Variants in SLC2A12 observed in about 807,000 individuals in gnomAD.
The protein encoded by SLC2A12 is solute carrier family 2, facilitated glucose transporter member 12.
Under a neutral mutation model 41.8 loss-of-function variants are expected in SLC2A12, and 23 were observed. The ratio of observed to expected loss-of-function variants is 0.55; its 90% CI spans 0.40 to 0.78. SLC2A12 has a LOEUF of 0.78. Among genes scored for constraint, SLC2A12 ranks in the 30% least tolerant of loss-of-function variants. The probability of loss-of-function intolerance (pLI) is 0.00; values close to 1 mark genes in which losing one functional copy is unlikely to be tolerated. For synonymous variants in SLC2A12, 295 were observed against 285.9 expected (o/e 1.03, Z -0.32); for missense variants, 654 against 745.6 (o/e 0.88, Z 1.43).
Position 134,006,935 on chromosome 6 carries a change from C to T in SLC2A12, c.1445-1G>A, listed in dbSNP as rs1393757196. ...ATCTCGCTGAGCACCAGCCAGGGCA[C>T]TAGAAGAAAGGCAAGAGTGGGTGGC... On this transcript the variant is annotated splice_acceptor_variant, in intron 2 of 4. Coordinates refer to ENST00000275230, the MANE Select transcript of SLC2A12 (RefSeq NM_145176.3). LOFTEE classifies it high-confidence loss of function. The T allele has an allele frequency of 6.2e-7, 1 of 1,613,922 alleles. No homozygotes were observed. The highest frequency in any genetic ancestry group is 1.1e-5 in the South Asian group (1 of 91,040).
At chr6:133,991,894 G>C (rs751212643) in intron 4 of SLC2A12, among the ~76,000 whole-genome samples, 1 of 152,204 alleles carries the variant, frequency 6.6e-6, no homozygotes, top group Non-Finnish European at 1.5e-5. Flanking sequence ...AGCTTACTTA[G>C]ATTTTAGAGG....
At chr6:133,992,173 A>G (rs1160565062) in intron 4 of SLC2A12, among the ~76,000 whole-genome samples, 1 of 152,160 alleles carries the variant, frequency 6.6e-6, no homozygotes. Flanking sequence ...GAAATACTGC[A>G]GCTTTGTGCG....
intron 1 of SLC2A12, among the ~76,000 whole-genome samples, chr6:134,042,858 T>C (rs1284236232): frequency 1.3e-5 from 2 of 152,042 alleles, no homozygotes; most frequent in Non-Finnish European, 2.9e-5. Context: ...TCCCAGCTAC[T>C]TGGGTGGCTG....
chr6:134,008,138 T>A (rs1776836932), intron 2 of SLC2A12, among the ~76,000 whole-genome samples: 1 of 152,150 alleles, frequency 6.6e-6, no homozygotes, highest in African/African-American at 2.4e-5. Flanking sequence ...GAAGAGGGGA[T>A]GGGAAGAAGA....
intron 1 of SLC2A12, among the ~76,000 whole-genome samples, chr6:134,033,921 A>G (rs771137698): frequency 6.6e-6 from 1 of 151,352 alleles, no homozygotes; most frequent in Non-Finnish European, 1.5e-5. Context: ...GAGGGACCCA[A>G]CCTCTTCTGC....
At chr6:134,015,710 A>G (rs1357828602) in intron 2 of SLC2A12, among the ~76,000 whole-genome samples, 4 of 152,270 alleles carry the variant, frequency 2.6e-5, no homozygotes, top group South Asian at 4.1e-4. Context: ...CTGCAATGTC[A>G]GCCTCTTTGC....
At chr6:134,018,426 G>A (rs1293712142) in intron 2 of SLC2A12, among the ~76,000 whole-genome samples, 1 of 152,112 alleles carries the variant, frequency 6.6e-6, no homozygotes, top group Non-Finnish European at 1.5e-5. Context: ...AGGCCAGGCA[G>A]TCCAATACCA....
At chr6:133,999,819 G>A (rs1776734340) in intron 4 of SLC2A12, among the ~76,000 whole-genome samples, 2 of 152,212 alleles carry the variant, frequency 1.3e-5, no homozygotes, top group South Asian at 4.1e-4. Flanking sequence ...TTGTTATGCA[G>A]CAATGGATAA....
Position 134,052,547 on chromosome 6 carries a change from T to C in SLC2A12, c.-67A>G. On this transcript the variant is annotated 5_prime_UTR_variant, in exon 1 of 5. Coordinates refer to ENST00000275230, the MANE Select transcript of SLC2A12 (RefSeq NM_145176.3). ...CCCCGACCACCCCCGCTCCCAGGAG[T>C]GGTCACTTTCCCCATAATAGCATGC... 1 of 1,265,906 alleles carries C rather than the reference T, an allele frequency of 7.9e-7. No homozygotes were observed. Among genetic ancestry groups the C allele is most frequent in the East Asian group, 2.3e-5 (1 of 43,150 alleles). 78.4% of individuals were successfully genotyped at this position (1,265,906 alleles called of 1,614,324 possible). A position where few individuals can be genotyped will look rare whatever the true frequency, so the allele number is the denominator to read the frequency against.
chr6:134,038,335 CAT>C (rs1777331519), intron 1 of SLC2A12, among the ~76,000 whole-genome samples: 1 of 128,154 alleles, frequency 7.8e-6, no homozygotes, highest in South Asian at 2.8e-4. Flanking sequence ...GTATTACTTT[CAT>C]TCTTTTTCTT....
chr6:134,051,019 A>G (rs1773675725), intron 1 of SLC2A12, among the ~76,000 whole-genome samples: 1 of 152,078 alleles, frequency 6.6e-6, no homozygotes, highest in Non-Finnish European at 1.5e-5. Context: ...CCTCCAAGTG[A>G]TTCTTGTACC....
chr6:133,992,188 T>C (rs1776632256), intron 4 of SLC2A12, among the ~76,000 whole-genome samples: 1 of 152,134 alleles, frequency 6.6e-6, no homozygotes, highest in Non-Finnish European at 1.5e-5. Context: ...TGTGCGTGTG[T>C]GCGTGATGAT....
At chr6:134,012,511 A>T (rs1290841962) in intron 2 of SLC2A12, among the ~76,000 whole-genome samples, 4 of 152,240 alleles carry the variant, frequency 2.6e-5, no homozygotes, top group Non-Finnish European at 5.9e-5. Flanking sequence ...ATAAGCCAAC[A>T]GCTAACATTT....
chr6:134,033,898 G>T (rs896262137), intron 1 of SLC2A12, among the ~76,000 whole-genome samples: 2 of 152,132 alleles, frequency 1.3e-5, no homozygotes, highest in East Asian at 3.9e-4. Flanking sequence ...GGAGGAAAGA[G>T]CTCCTGACAG....
Position 134,029,008 on chromosome 6 carries a change from C to T in SLC2A12, c.817G>A (p.Asp273Asn). The change falls in exon 2 of 5, where the codon GAC becomes AAC. Residue 273 changes from aspartate (D) to asparagine (N), a missense_variant. Asp to Asn is a conservative substitution (Grantham distance 23). Transcript: ENST00000275230. ...YSFWDLFRSK[D>N]NMRTRIMIGL... is the part of the protein sequence containing the mutation. The stretch of plus-strand genomic sequence containing the variant: ...ATCATTATTCGGGTCCGCATGTTGT[C>T]TTTTGAACGAAACAGATCCCAAAAA... The T allele has an allele frequency of 6.2e-7, 1 of 1,614,208 alleles. No individual in the cohort carries two copies. The highest frequency in any genetic ancestry group is 8.5e-7 in the Non-Finnish European group (1 of 1,180,032).
At chr6:133,992,275 T>G (rs1406033518) in intron 4 of SLC2A12, among the ~76,000 whole-genome samples, 3 of 152,136 alleles carry the variant, frequency 2.0e-5, no homozygotes, top group Admixed American at 1.3e-4. Flanking sequence ...GCAGTGTGTG[T>G]GGGCATAGAT....
chr6:134,041,670 C>T (rs970886465), intron 1 of SLC2A12, among the ~76,000 whole-genome samples: 7 of 152,188 alleles, frequency 4.6e-5, no homozygotes, highest in South Asian at 4.2e-4. Flanking sequence ...GGATGCACAG[C>T]GGCAGTCTAC....
intron 2 of SLC2A12, among the ~76,000 whole-genome samples, chr6:134,016,112 A>G (rs1776958413): frequency 6.6e-6 from 1 of 152,078 alleles, no homozygotes; most frequent in African/African-American, 2.4e-5. Flanking sequence ...GGGAAAAGGC[A>G]CTGACTGTCT....
chr6:134,022,531 CA>C (rs1289580858), intron 2 of SLC2A12, among the ~76,000 whole-genome samples: 1 of 116,596 alleles, frequency 8.6e-6, no homozygotes. Context: ...AACTCCATCT[CA>C]AAAAAGAAAA....
Sources: gnomAD v4.1 joint callset for allele counts (sites outside exome capture counted in the v4.1 genomes callset) on GRCh38, gnomAD v4.1.1 for gene constraint, MANE v1.5 for transcripts, NCBI Gene and HGNC (gene_info 2026-07-23, HGNC 2026-07-21) for gene names.